The following RFX3 variants were observed in gnomAD, a reference collection of about 807,000 sequenced individuals.
RFX3 encodes transcription factor RFX3.
RFX3 carries 14 observed loss-of-function variants against 98.6 expected under a neutral mutation model. The ratio of observed to expected loss-of-function variants is 0.14; its 90% CI spans 0.09 to 0.22. The LOEUF (loss-of-function observed/expected upper bound fraction) is 0.22, where lower values mean the gene tolerates loss of function less well. Ranked by LOEUF, RFX3 falls within the 10% of genes least tolerant of loss-of-function variation. The pLI is 1.00. For missense variants in RFX3, 639 were observed against 926.9 expected (o/e 0.69, Z 4.03); for synonymous variants, 383 against 328.4 (o/e 1.17, Z -1.80).
intron 1 of RFX3, among the ~76,000 whole-genome samples, chr9:3,509,223 C>CTT (rs1217147220): frequency 6.6e-6 from 1 of 151,958 alleles, no homozygotes; most frequent in African/African-American, 2.4e-5. Flanking sequence ...CGCTGCTACA[C>CTT]TTTTAAAGCC....
intron 1 of RFX3, among the ~76,000 whole-genome samples, chr9:3,434,872 G>A (rs1053173000): frequency 1.8e-4 from 27 of 151,990 alleles, no homozygotes; most frequent in African/African-American, 6.3e-4. Flanking sequence ...CACAAACCTA[G>A]ATGGTACAGC....
At chr9:3,396,096 A>G (rs945723129) in intron 1 of RFX3, among the ~76,000 whole-genome samples, 4 of 151,436 alleles carry the variant, frequency 2.6e-5, no homozygotes, top group Non-Finnish European at 5.9e-5. Context: ...TGTGCAGGTT[A>G]GTTACATATG....
At chr9:3,298,152 A>G (rs1828216185) in intron 5 of RFX3, among the ~76,000 whole-genome samples, 1 of 151,924 alleles carries the variant, frequency 6.6e-6, no homozygotes, top group South Asian at 2.1e-4. Flanking sequence ...AATCTAAAGT[A>G]CCATTCTAAA....
chr9:3,461,121 CTAGA>C (rs1205275324), intron 1 of RFX3, among the ~76,000 whole-genome samples: 1 of 150,684 alleles, frequency 6.6e-6, no homozygotes, highest in Admixed American at 6.6e-5. Flanking sequence ...TTTATCTAAA[CTAGA>C]TAGACAAAAT....
intron 15 of RFX3, among the ~76,000 whole-genome samples, chr9:3,241,878 T>A (rs1181002825): frequency 6.6e-6 from 1 of 152,072 alleles, no homozygotes; most frequent in Non-Finnish European, 1.5e-5. Flanking sequence ...GGGGAAAAGA[T>A]GGCAAGCGTA....
chr9:3,457,063 C>G (rs1847237261), intron 1 of RFX3, among the ~76,000 whole-genome samples: 1 of 148,026 alleles, frequency 6.8e-6, no homozygotes, highest in African/African-American at 2.5e-5. Flanking sequence ...ATAGCTTGAA[C>G]CCGGGAGGCA....
chr9:3,359,506 G>C (rs190096111), intron 2 of RFX3, among the ~76,000 whole-genome samples: 1 of 152,232 alleles, frequency 6.6e-6, no homozygotes, highest in East Asian at 1.9e-4. Context: ...CAGTCTATCA[G>C]GATGTATACA....
At chr9:3,247,153 G>C (rs1197275659) in intron 15 of RFX3, 16 of 985,172 alleles carry the variant, frequency 1.6e-5, no homozygotes, top group Non-Finnish European at 1.8e-5. Context: ...GATTCGACAA[G>C]GTATAAACTA....
chr9:3,218,781 C>CATA lies in RFX3; in HGVS notation c.*6258_*6260dup, dbSNP rs1364823227. The CATA allele has an allele frequency of 2.0e-5, 3 of 152,106 alleles. No homozygotes were observed. Among genetic ancestry groups the CATA allele is most frequent in the African/African-American group, 7.2e-5 (3 of 41,418 alleles). The allele number at this position is 152,106 out of a possible 1,614,324, so 9.4% of individuals were successfully genotyped here. On this transcript the variant is annotated 3_prime_UTR_variant, in exon 17 of 17. Coordinates refer to ENST00000617270, the MANE Select transcript of RFX3 (RefSeq NM_001282116.2). The stretch of plus-strand genomic sequence containing the variant: ...CTACAAAAGTTGCTTACCTCATTTA[C>CATA]ATAATATATTCAGTCGATTGTAAAA...
At chr9:3,398,588 G>C (rs1356445434) in intron 1 of RFX3, among the ~76,000 whole-genome samples, 1 of 152,126 alleles carries the variant, frequency 6.6e-6, no homozygotes, top group Non-Finnish European at 1.5e-5. Flanking sequence ...AGACAGCGTT[G>C]CCAGTTATAG....
intron 6 of RFX3, among the ~76,000 whole-genome samples, chr9:3,288,931 G>T (rs76166673): frequency 0.064 from 9,751 of 151,994 alleles, 865 homozygotes; most frequent in African/African-American, 0.2. Context: ...AGAAGAGATG[G>T]GGAAATTTCT....
At chr9:3,392,559 T>C (rs374729932) in intron 2 of RFX3, among the ~76,000 whole-genome samples, 88 of 151,934 alleles carry the variant, frequency 5.8e-4, no homozygotes, top group African/African-American at 2.1e-3. Flanking sequence ...GAGGTAATCA[T>C]AAATGAAAAA....
chr9:3,394,607 T>G (rs949017676), intron 2 of RFX3, among the ~76,000 whole-genome samples: 2 of 152,236 alleles, frequency 1.3e-5, no homozygotes, highest in African/African-American at 4.8e-5. Context: ...CATCTATCAA[T>G]TATAAAAATG....
intron 13 of RFX3, among the ~76,000 whole-genome samples, chr9:3,258,561 G>A (rs1242604909): frequency 6.6e-6 from 1 of 151,920 alleles, no homozygotes; most frequent in Non-Finnish European, 1.5e-5. Context: ...ACTATTCACT[G>A]TCTTTTTTCC....
At chr9:3,504,839 A>AAT (rs1191373313) in intron 1 of RFX3, among the ~76,000 whole-genome samples, 9 of 35,056 alleles carry the variant, frequency 2.6e-4, no homozygotes, top group Non-Finnish European at 5.2e-4. Flanking sequence ...ATATGTATAA[A>AAT]ATATATATAT....
intron 1 of RFX3, among the ~76,000 whole-genome samples, chr9:3,448,532 G>C (rs1846258014): frequency 6.6e-6 from 1 of 152,020 alleles, no homozygotes; most frequent in Non-Finnish European, 1.5e-5. Flanking sequence ...AAAAAAAATA[G>C]AGAAGGGTCT....
At chr9:3,227,602 G>A (rs1817928731) in intron 16 of RFX3, among the ~76,000 whole-genome samples, 1 of 152,188 alleles carries the variant, frequency 6.6e-6, no homozygotes, top group Non-Finnish European at 1.5e-5. Context: ...TGACTGAGCA[G>A]TAAAACTCTA....
chr9:3,286,521 T>C (rs893658050), intron 7 of RFX3, among the ~76,000 whole-genome samples: 1 of 151,822 alleles, frequency 6.6e-6, no homozygotes, highest in African/African-American at 2.4e-5. Context: ...CTGGAAATTA[T>C]GACTGTGTAA....
intron 4 of RFX3, among the ~76,000 whole-genome samples, chr9:3,309,679 G>A (rs1829744228): frequency 6.6e-6 from 1 of 151,994 alleles, no homozygotes; most frequent in South Asian, 2.1e-4. Context: ...TTTTTTCAAA[G>A]GCAATACATA....
Sources: allele counts gnomAD v4.1 joint callset (sites outside exome capture counted in the v4.1 genomes callset), GRCh38; gene constraint gnomAD v4.1.1; transcripts MANE v1.5; gene names NCBI Gene and HGNC (gene_info 2026-07-23, HGNC 2026-07-21).